OPCML: variants seen among roughly 807,000 people sequenced by gnomAD.
The protein encoded by OPCML is opioid binding protein/cell adhesion molecule like.
In OPCML, 13 loss-of-function variants were observed where a neutral mutation model predicts 37.8. The observed-to-expected ratio is 0.34, with a 90% CI of 0.22 to 0.55. The LOEUF is 0.55. OPCML is among the 20% of genes least tolerant of loss of function. The pLI is 0.91. For missense variants in OPCML, 341 were observed against 435.6 expected, an observed-to-expected ratio of 0.78 and a Z score of 1.93; for synonymous variants, 176 against 168.8, an observed-to-expected ratio of 1.04 and a Z score of -0.33.
At chr11:132,699,076 T>G (rs1943708624) in intron 2 of OPCML, among the ~76,000 whole-genome samples, 1 of 152,214 alleles carries the variant, frequency 6.6e-6, no homozygotes, top group South Asian at 2.1e-4. Flanking sequence ...TACAAGTCTT[T>G]TACCTCCTGG....
At chr11:133,061,516 T>C (rs1285513200) in intron 1 of OPCML, among the ~76,000 whole-genome samples, 2 of 152,196 alleles carry the variant, frequency 1.3e-5, no homozygotes, top group African/African-American at 4.8e-5. Flanking sequence ...ACTATCACCT[T>C]GAAATGAGTG....
chr11:133,055,109 C>T (rs11223344), intron 1 of OPCML, among the ~76,000 whole-genome samples: 1,123 of 73,234 alleles, frequency 0.015, no homozygotes, highest in Middle Eastern at 0.058. Flanking sequence ...CTCTACCGTA[C>T]AATGCTGCCT....
intron 1 of OPCML, among the ~76,000 whole-genome samples, chr11:132,989,275 T>A (rs562350500): frequency 1.0e-3 from 157 of 152,288 alleles, no homozygotes; most frequent in African/African-American, 3.7e-3. Context: ...TGAGGAATAT[T>A]CATAAATTAG....
rs1307064152 is a variant in OPCML at position 132,415,104 on chromosome 11, T to C, written c.*5089A>G. The stretch of plus-strand genomic sequence containing the variant: ...AAAATTCAGGTAGTATATTCACCCT[T>C]GATACAATTATTGACAGAAATCAAG... On this transcript the variant is annotated 3_prime_UTR_variant, in exon 8 of 8. Transcript: ENST00000524381. The C allele has an allele frequency of 2.0e-5, 3 of 152,498 alleles. No homozygotes were observed. Among genetic ancestry groups the C allele is most frequent in the African/African-American group, 7.2e-5 (3 of 41,386 alleles). The allele number at this position is 152,498 out of a possible 1,614,324, so 9.4% of individuals were successfully genotyped here.
rs1174728062 is a variant in OPCML at position 132,418,184 on chromosome 11, C to G, written c.*2009G>C. On this transcript the variant is annotated 3_prime_UTR_variant, in exon 8 of 8. Transcript: ENST00000524381. Reference sequence around the variant, plus strand: ...AGTTAAGCATTAAGGGCACAGAATTCAATGGTGCTCATATTTTTTATTTTT... The same window carrying G: ...AGTTAAGCATTAAGGGCACAGAATTGAATGGTGCTCATATTTTTTATTTTT... 1 of 152,194 alleles carries G rather than the reference C, an allele frequency of 6.6e-6. No homozygotes were observed. Among genetic ancestry groups the G allele is most frequent in the Middle Eastern group, 3.2e-3 (1 of 316 alleles). 9.4% of individuals were successfully genotyped at this position (152,194 alleles called of 1,614,324 possible).
chr11:132,872,386 G>A (rs1241215384), intron 2 of OPCML, among the ~76,000 whole-genome samples: 2 of 152,146 alleles, frequency 1.3e-5, no homozygotes, highest in East Asian at 1.9e-4. Flanking sequence ...CAAACGAATC[G>A]CGGATCGAAA....
intron 2 of OPCML, among the ~76,000 whole-genome samples, chr11:132,663,885 T>G (rs993160151): frequency 1.3e-5 from 2 of 152,194 alleles, no homozygotes; most frequent in African/African-American, 4.8e-5. Context: ...CAGGCTTGAG[T>G]GCAGTGACGC....
chr11:132,680,738 C>G (rs192952795), intron 2 of OPCML, among the ~76,000 whole-genome samples: 6 of 152,322 alleles, frequency 3.9e-5, no homozygotes, highest in African/African-American at 1.4e-4. Context: ...AGCAGAGAAA[C>G]TGGTCAGTGT....
At chr11:133,347,408 T>C (rs550334679) in intron 1 of OPCML, among the ~76,000 whole-genome samples, 5 of 152,270 alleles carry the variant, frequency 3.3e-5, no homozygotes, top group South Asian at 2.1e-4. Context: ...CATAGAAAGA[T>C]TGCAAGCCAG....
chr11:133,332,837 G>A (rs1250698416), intron 1 of OPCML, among the ~76,000 whole-genome samples: 1 of 152,088 alleles, frequency 6.6e-6, no homozygotes, highest in Non-Finnish European at 1.5e-5. Context: ...TTTTTAATGT[G>A]TTGCTGGATT....
At chr11:132,473,511 T>G (rs2096144582) in intron 4 of OPCML, among the ~76,000 whole-genome samples, 1 of 152,188 alleles carries the variant, frequency 6.6e-6, no homozygotes, top group African/African-American at 2.4e-5. Flanking sequence ...TTTTTCAGAG[T>G]AGGTGCTTCT....
intron 3 of OPCML, among the ~76,000 whole-genome samples, chr11:132,582,846 GT>G (rs386375310): frequency 1.6e-3 from 68 of 43,714 alleles, no homozygotes; most frequent in Non-Finnish European, 1.8e-3. Context: ...TTTGTTTAAG[GT>G]TTTTTTTTTT....
chr11:132,624,642 G>A lies in OPCML; in HGVS notation c.379+32445C>T, dbSNP rs377004241. Among the ~76,000 whole-genome samples the A allele has an allele frequency of 9.2e-5, 14 of 151,930 alleles. No individual in the cohort carries two copies. In the East Asian group the frequency reaches 9.7e-4, roughly 11 times the overall value. ...CAAGTTTCCAGTCATAACTCCACTC[G>A]TTCTACCCATTCCTCCATGTTGGTC... On this transcript the variant is annotated intron_variant, in intron 3 of 7. Transcript: ENST00000524381.
chr11:132,481,892 C>T (rs2096181712), intron 4 of OPCML, among the ~76,000 whole-genome samples: 3 of 148,304 alleles, frequency 2.0e-5, no homozygotes, highest in South Asian at 4.2e-4. Flanking sequence ...ACACAACATA[C>T]CAGAATCTCT....
chr11:133,270,077 G>A (rs1447607114), intron 1 of OPCML, among the ~76,000 whole-genome samples: 1 of 152,186 alleles, frequency 6.6e-6, no homozygotes, highest in Non-Finnish European at 1.5e-5. Flanking sequence ...TCCTATTCAT[G>A]TGGAGGTGCT....
At chr11:132,503,479 T>C (rs1336744313) in intron 4 of OPCML, among the ~76,000 whole-genome samples, 1 of 152,146 alleles carries the variant, frequency 6.6e-6, no homozygotes. Context: ...ACAATTCTAT[T>C]AGCAAATAAA....
At chr11:133,492,383 T>A (rs1947683465) in intron 1 of OPCML, among the ~76,000 whole-genome samples, 1 of 152,196 alleles carries the variant, frequency 6.6e-6, no homozygotes, top group Non-Finnish European at 1.5e-5. Context: ...GAAACTCTCA[T>A]TCCAAATCAG....
rs534599485 is a variant in OPCML, at chr11:132,507,756, TG to T, written c.505+21304del. Among the ~76,000 whole-genome samples, 353 of 152,034 alleles carry T rather than the reference TG, an allele frequency of 2.3e-3. 5 individuals are homozygous for T. Among genetic ancestry groups the T allele is most frequent in the South Asian group, 8.3e-3 (40 of 4,810 alleles). ...GATCTATCAATTAATTTGAGTATGGTGTTGTAAACAAAACTTACAGACATGT... is the reference window on the plus strand; with the variant it reads ...GATCTATCAATTAATTTGAGTATGGTTTGTAAACAAAACTTACAGACATGT... On this transcript the variant is annotated intron_variant, in intron 4 of 7. Transcript: ENST00000524381.
At chr11:132,937,496 G>C (rs560095313) in intron 2 of OPCML, among the ~76,000 whole-genome samples, 1 of 151,584 alleles carries the variant, frequency 6.6e-6, no homozygotes, top group South Asian at 2.1e-4. Context: ...GAGAGAGAGA[G>C]TGTGTGTGTA....
Sources: allele counts gnomAD v4.1 joint callset (sites outside exome capture counted in the v4.1 genomes callset), GRCh38; gene constraint gnomAD v4.1.1; transcripts MANE v1.5; gene names NCBI Gene and HGNC (gene_info 2026-07-23, HGNC 2026-07-21).